The following PNLIPRP3 variants were observed in gnomAD, a reference collection of about 807,000 sequenced individuals.
PNLIPRP3 encodes the protein pancreatic lipase-related protein 3.
Under a neutral mutation model 52.8 loss-of-function variants are expected in PNLIPRP3, and 58 were observed. The ratio of observed to expected loss-of-function variants is 1.10; its 90% CI spans 0.89 to 1.37. The LOEUF is 1.37. Ranked by LOEUF, PNLIPRP3 falls within the 40% of genes most tolerant of loss-of-function variation. The pLI is 0.00. For missense variants in PNLIPRP3, 593 were observed against 561.6 expected, an observed-to-expected ratio of 1.06 and a Z score of -0.57; for synonymous variants, 192 against 185.0, an observed-to-expected ratio of 1.04 and a Z score of -0.31.
At chr10:116,439,765 C>A in intron 2 of PNLIPRP3, 1 of 771,144 alleles carries the variant, frequency 1.3e-6, no homozygotes. Context: ...AGACGGTGGC[C>A]TTTTAGGGGC....
chr10:116,458,108 A>G (rs1291427498), intron 5 of PNLIPRP3, among the ~76,000 whole-genome samples: 5 of 152,208 alleles, frequency 3.3e-5, no homozygotes, highest in Admixed American at 6.5e-5. Context: ...GTATTTATGT[A>G]TAAGTGGTAA....
At chr10:116,433,284 T>C (rs1321342825) in intron 1 of PNLIPRP3, among the ~76,000 whole-genome samples, 1 of 151,738 alleles carries the variant, frequency 6.6e-6, no homozygotes, top group East Asian at 1.9e-4. Context: ...GACAACAAAT[T>C]TGAGTATATT....
rs570337896 is a variant in PNLIPRP3, at chr10:116,437,988, G to A, written c.204+1123G>A. Among the ~76,000 whole-genome samples, 13 of 152,250 alleles carry A rather than the reference G, an allele frequency of 8.5e-5. No individual in the cohort carries two copies. The South Asian group carries it at 2.5e-3, about 29-fold the overall frequency. ...AACAGCCTGAACTGCAGTAATGAAA[G>A]TGGTTATGATAATAGAAAATCAACA... On this transcript the variant is annotated intron_variant, in intron 2 of 11. Coordinates refer to ENST00000369230, the MANE Select transcript of PNLIPRP3 (RefSeq NM_001011709.3).
At chr10:116,442,389 T>G (rs997667480) in intron 2 of PNLIPRP3, among the ~76,000 whole-genome samples, 5 of 152,198 alleles carry the variant, frequency 3.3e-5, no homozygotes, top group Non-Finnish European at 7.3e-5. Context: ...TGCCATGTTT[T>G]TGGCATGCTT....
At chr10:116,470,251 T>C (rs1427728983) in intron 9 of PNLIPRP3, among the ~76,000 whole-genome samples, 1 of 152,102 alleles carries the variant, frequency 6.6e-6, no homozygotes, top group Non-Finnish European at 1.5e-5. Flanking sequence ...TCTCAGCCTC[T>C]GGAAATGGAT....
At chr10:116,447,860 C>T (rs1845975252) in intron 4 of PNLIPRP3, among the ~76,000 whole-genome samples, 1 of 151,718 alleles carries the variant, frequency 6.6e-6, no homozygotes, top group Non-Finnish European at 1.5e-5. Context: ...TCACTTGAAC[C>T]TGGGAGGCGG....
Position 116,443,105 on chromosome 10 carries a change from A to G in PNLIPRP3, c.255A>G (p.Thr85=), listed in dbSNP as rs146313286. 187 of 1,611,090 alleles carry G rather than the reference A, an allele frequency of 1.2e-4. No individual in the cohort carries two copies. The highest frequency in any genetic ancestry group is 2.0e-5 in the Non-Finnish European group (24 of 1,177,718). ...CTATCCAAGCCTCATATTTTGGAAC[A>G]GACAAGATCACCCGTATCAACATAG... is the stretch of plus-strand genomic sequence containing the variant. ...SSTIQASYFG[T]DKITRINIAG... is the part of the protein sequence containing the mutation. The change falls in exon 3 of 12, where the codon ACA becomes ACG. Residue 85 remains threonine (T), a synonymous_variant. Coordinates refer to ENST00000369230, the MANE Select transcript of PNLIPRP3 (RefSeq NM_001011709.3).
chr10:116,465,946 C>A, intron 7 of PNLIPRP3, 104 bp from the exon 8 acceptor site: 1 of 822,768 alleles, frequency 1.2e-6, no homozygotes, highest in South Asian at 1.4e-5. Flanking sequence ...TCTGGCCCTC[C>A]CAACTCAAGA....
At chr10:116,470,297 C>G (rs953748930) in intron 9 of PNLIPRP3, among the ~76,000 whole-genome samples, 3 of 151,916 alleles carry the variant, frequency 2.0e-5, no homozygotes, top group African/African-American at 7.3e-5. Flanking sequence ...GTCACTCAGA[C>G]TGTAGTCAGT....
At chr10:116,455,927 A>G (rs1846106338) in intron 5 of PNLIPRP3, 97 bp downstream of exon 5, 1 of 836,468 alleles carries the variant, frequency 1.2e-6, no homozygotes, top group Non-Finnish European at 1.9e-6. Context: ...AGAAGAAAAT[A>G]TAAGATACTA....
rs368829519 is a variant in PNLIPRP3 at position 116,433,030 on chromosome 10, C to T, written c.50-3681C>T. On this transcript the variant is annotated intron_variant, in intron 1 of 11. Coordinates refer to ENST00000369230, the MANE Select transcript of PNLIPRP3 (RefSeq NM_001011709.3). The stretch of plus-strand genomic sequence containing the variant: ...GCGGGAGGCTGAAGCAGGAGAATCG[C>T]TTGAACCTGGGAAGCGGAGGTTGCA... Among the ~76,000 whole-genome samples, 163 of 140,470 alleles carry T rather than the reference C, an allele frequency of 1.2e-3. 2 individuals are homozygous for T. Among genetic ancestry groups the T allele is most frequent in the African/African-American group, 4.0e-3 (150 of 37,974 alleles). The allele number at this position is 140,470 out of a possible 152,430, so 92.2% of individuals were successfully genotyped here. A position where few individuals can be genotyped will look rare whatever the true frequency, so the allele number is the denominator to read the frequency against.
intron 4 of PNLIPRP3, among the ~76,000 whole-genome samples, chr10:116,455,130 A>C (rs866427520): frequency 1.2e-4 from 18 of 152,162 alleles, no homozygotes; most frequent in African/African-American, 4.3e-4. Flanking sequence ...ATGATTAAGG[A>C]TGTTCAACAT....
At chr10:116,455,620 G>GGGA in intron 4 of PNLIPRP3, 102 bp from the exon 5 acceptor site, 7 of 827,876 alleles carry the variant, frequency 8.5e-6, no homozygotes, top group South Asian at 5.4e-5. Context: ...ATGTGCAAAA[G>GGGA]GGAGAACCAT....
Position 116,471,768 on chromosome 10 carries a change from G to T in PNLIPRP3, c.1061G>T (p.Arg354Leu). The T allele has an allele frequency of 6.3e-7, 1 of 1,596,492 alleles. No individual in the cohort carries two copies. The highest frequency in any genetic ancestry group is 8.6e-7 in the Non-Finnish European group (1 of 1,165,362). The change falls in exon 10 of 12, where the codon CGT (arginine) becomes CTT (leucine). Residue 354 changes from arginine (R) to leucine (L), a missense_variant and splice_region_variant. Arg to Leu is a moderately radical substitution (Grantham distance 102). Transcript: ENST00000369230. ...TTCCTTCTTGTTTCCTTATATCTAG[G>T]TTGGAGGCACAAATTGTCTGTTAAA... is the stretch of plus-strand genomic sequence containing the variant. Reference protein sequence around the residue: ...LNTGSLSPFARWRHKLSVKLS... With the variant: ...LNTGSLSPFALWRHKLSVKLS...
chr10:116,469,889 A>C (rs1182055421), intron 9 of PNLIPRP3, among the ~76,000 whole-genome samples: 2 of 151,868 alleles, frequency 1.3e-5, no homozygotes, highest in Non-Finnish European at 2.9e-5. Context: ...TTTTAGAAAA[A>C]TCACTTTAGT....
chr10:116,473,810 C>T (rs1018508367), intron 10 of PNLIPRP3, among the ~76,000 whole-genome samples: 2 of 151,998 alleles, frequency 1.3e-5, no homozygotes, highest in Admixed American at 6.6e-5. Context: ...CCTGAGCCAC[C>T]GCACCTGGCC....
intron 10 of PNLIPRP3, among the ~76,000 whole-genome samples, chr10:116,472,176 A>G (rs1297834030): frequency 3.3e-5 from 5 of 152,204 alleles, no homozygotes; most frequent in Admixed American, 3.3e-4. Flanking sequence ...TATATTTTTA[A>G]TCCCATTCAC....
chr10:116,473,466 T>C (rs925351452), intron 10 of PNLIPRP3, among the ~76,000 whole-genome samples: 1 of 152,224 alleles, frequency 6.6e-6, no homozygotes, highest in Non-Finnish European at 1.5e-5. Context: ...TATTTTTACT[T>C]GTGCAACTCA....
Position 116,443,090 on chromosome 10 carries a change from C to A in PNLIPRP3, c.240C>A (p.Ala80=). Residue 80 remains alanine, a synonymous_variant, in exon 3 of 12, where the codon GCC becomes GCA. Coordinates refer to ENST00000369230, the MANE Select transcript of PNLIPRP3 (RefSeq NM_001011709.3). The part of the protein sequence containing the change: ...ISAVNSSTIQ[A]SYFGTDKITR... ...CGGTTAATTCTTCAACTATCCAAGC[C>A]TCATATTTTGGAACAGACAAGATCA... is the stretch of plus-strand genomic sequence containing the variant. The A allele has an allele frequency of 6.2e-7, 1 of 1,607,692 alleles. No individual in the cohort carries two copies. Among genetic ancestry groups the A allele is most frequent in the South Asian group, 1.1e-5 (1 of 90,462 alleles).
Sources: gnomAD v4.1 joint callset for allele counts (sites outside exome capture counted in the v4.1 genomes callset) on GRCh38, gnomAD v4.1.1 for gene constraint, MANE v1.5 for transcripts, NCBI Gene and HGNC (gene_info 2026-07-23, HGNC 2026-07-21) for gene names.